The following ABCA13 variants were observed in gnomAD, a reference collection of about 807,000 sequenced individuals.
ABCA13 encodes ATP-binding cassette sub-family A member 13.
A neutral mutation model predicts 478.7 loss-of-function variants in ABCA13; 476 were observed. The ratio of observed to expected loss-of-function variants is 0.99; its 90% CI spans 0.92 to 1.07. ABCA13 has a LOEUF of 1.07. ABCA13 is among the 50% of genes least tolerant of loss of function. ABCA13 has a pLI of 0.00. For synonymous variants in ABCA13, 2,252 were observed against 2,158.9 expected (o/e 1.04, Z -1.20); for missense variants, 6,060 against 5,910.6 (o/e 1.03, Z -0.83).
intron 8 of ABCA13, among the ~76,000 whole-genome samples, chr7:48,234,895 C>T (rs915127883): frequency 6.6e-6 from 1 of 152,244 alleles, no homozygotes; most frequent in Non-Finnish European, 1.5e-5. Flanking sequence ...GACCCACTCT[C>T]TTCCATTAGG....
chr7:48,425,576 A>T lies in ABCA13; in HGVS notation c.12460-2190A>T, dbSNP rs1410453059. Among the ~76,000 whole-genome samples, 3 of 152,146 alleles carry T rather than the reference A, an allele frequency of 2.0e-5. No homozygotes were observed. The South Asian group carries it at 6.2e-4, about 32-fold the overall frequency. The stretch of plus-strand genomic sequence containing the variant: ...CTCATCAGATTGATCTGAGAATTAC[A>T]TGATGAAACATAGCACATACACCCT... On this transcript the variant is annotated intron_variant, in intron 41 of 61. Coordinates refer to ENST00000435803, the MANE Select transcript of ABCA13 (RefSeq NM_152701.5).
intron 19 of ABCA13, among the ~76,000 whole-genome samples, chr7:48,287,008 G>T (rs137864667): frequency 6.6e-6 from 1 of 152,196 alleles, no homozygotes; most frequent in South Asian, 2.1e-4. Context: ...AAATTTGCCC[G>T]TGGCAGGTCT....
Position 48,489,249 on chromosome 7 carries a change from A to G in ABCA13, c.13196A>G (p.Gln4399Arg), listed in dbSNP as rs1829624935. The change falls in exon 48 of 62, where the codon CAG (glutamine) becomes CGG (arginine). Residue 4399 changes from glutamine to arginine, a missense_variant. Physicochemically the swap from Gln to Arg is conservative, Grantham distance 43 (BLOSUM62 1). Transcript: ENST00000435803. ...TTCTTTTTTTAGGTGTGGTATAATC[A>G]GAAGGGTTTTCATTCCCTACCTTCC... ...PPTLAKVWYNQKGFHSLPSYL... is the reference protein window; with the variant it reads ...PPTLAKVWYNRKGFHSLPSYL... 6.2e-7 allele frequency: 1 copy of G among 1,611,042 alleles called. No homozygotes were observed. Among genetic ancestry groups the G allele is most frequent in the Non-Finnish European group, 8.5e-7 (1 of 1,178,046 alleles).
intron 23 of ABCA13, among the ~76,000 whole-genome samples, chr7:48,302,328 T>C (rs1209913262): frequency 6.6e-6 from 1 of 152,248 alleles, no homozygotes; most frequent in Non-Finnish European, 1.5e-5. Flanking sequence ...AAATATTTTT[T>C]CCTTTTTATT....
intron 3 of ABCA13, among the ~76,000 whole-genome samples, chr7:48,202,231 A>T (rs1170864503): frequency 1.3e-5 from 2 of 152,164 alleles, no homozygotes; most frequent in African/African-American, 4.8e-5. Context: ...GGCCCCACCC[A>T]CATCCTGCTG....
intron 15 of ABCA13, among the ~76,000 whole-genome samples, chr7:48,253,693 A>G (rs1034441342): frequency 6.6e-6 from 1 of 152,152 alleles, no homozygotes; most frequent in Non-Finnish European, 1.5e-5. Flanking sequence ...CATGTTGCCC[A>G]GGCTGGTCCC....
chr7:48,273,173 GA>G lies in ABCA13; in HGVS notation c.3509del (p.Asn1170MetfsTer21), dbSNP rs753005575. 15 of 1,613,548 alleles carry G rather than the reference GA, an allele frequency of 9.3e-6. No homozygotes were observed. Among genetic ancestry groups the G allele is most frequent in the African/African-American group, 2.7e-5 (2 of 74,910 alleles). The part of the protein sequence containing the change: ...TISQLFKFDM[N>X]VFTSLHHGFT... ...TATCTCAATTATTTAAGTTTGACATGAATGTTTTCACATCTCTTCATCATGG... is the reference window on the plus strand; with the variant it reads ...TATCTCAATTATTTAAGTTTGACATGATGTTTTCACATCTCTTCATCATGG... On this transcript the variant is annotated frameshift_variant, in exon 17 of 62. Transcript: ENST00000435803. LOFTEE classifies it high-confidence loss of function.
chr7:48,407,778 T>G (rs1379790411), intron 39 of ABCA13, among the ~76,000 whole-genome samples: 5 of 152,008 alleles, frequency 3.3e-5, no homozygotes, highest in Non-Finnish European at 7.4e-5. Flanking sequence ...GGCTACTCTC[T>G]AACTCTTGAC....
At chr7:48,632,103 C>A (rs1206052439) in intron 59 of ABCA13, among the ~76,000 whole-genome samples, 2 of 152,112 alleles carry the variant, frequency 1.3e-5, no homozygotes, top group Non-Finnish European at 2.9e-5. Flanking sequence ...ACATTCATAT[C>A]ATTGGCAAAC....
intron 1 of ABCA13, among the ~76,000 whole-genome samples, chr7:48,172,504 G>A (rs148327700): frequency 9.2e-4 from 140 of 152,142 alleles, no homozygotes; most frequent in African/African-American, 3.3e-3. Flanking sequence ...TTGTACAAAA[G>A]TTTTAAGTTG....
At chr7:48,364,215 G>A (rs1018738204) in intron 31 of ABCA13, among the ~76,000 whole-genome samples, 10 of 152,102 alleles carry the variant, frequency 6.6e-5, no homozygotes, top group African/African-American at 2.4e-4. Flanking sequence ...CATAGCCTCC[G>A]TCTTCTGTTT....
intron 41 of ABCA13, among the ~76,000 whole-genome samples, chr7:48,421,634 C>A (rs577459573): frequency 6.6e-6 from 1 of 152,352 alleles, no homozygotes; most frequent in South Asian, 2.1e-4. Flanking sequence ...CCAGCCCTGG[C>A]TCTAGAATCA....
rs73694657 is a variant in ABCA13, at chr7:48,507,801, C to A, written c.13347-71C>A. The A allele has an allele frequency of 3.3e-3, 4,781 of 1,469,072 alleles. 121 individuals carry two copies. In the African/African-American group the frequency reaches 0.057, roughly 18 times the overall value. 91.0% of individuals were successfully genotyped at this position (1,469,072 alleles called of 1,614,324 possible). On this transcript the variant is annotated intron_variant, in intron 49 of 61. Coordinates refer to ENST00000435803, the MANE Select transcript of ABCA13 (RefSeq NM_152701.5). ...GCAGTTTTCACTGCTGTCATCATTG[C>A]TGATTGTTATTAGCAAAGAAGGCTT...
intron 15 of ABCA13, among the ~76,000 whole-genome samples, chr7:48,262,047 T>G (rs1269647045): frequency 2.0e-5 from 3 of 151,972 alleles, no homozygotes; most frequent in Admixed American, 2.0e-4. Flanking sequence ...TTGAAATACC[T>G]GCTAACAACA....
At chr7:48,450,423 T>C (rs551848927) in intron 42 of ABCA13, among the ~76,000 whole-genome samples, 2 of 152,330 alleles carry the variant, frequency 1.3e-5, no homozygotes, top group South Asian at 2.1e-4. Context: ...ACCACAAGAA[T>C]ATAAATTTTT....
At chr7:48,337,919 C>T (rs939656758) in intron 28 of ABCA13, among the ~76,000 whole-genome samples, 2 of 152,050 alleles carry the variant, frequency 1.3e-5, no homozygotes, top group African/African-American at 4.8e-5. Context: ...AAGATGCTTC[C>T]GAAGATGAAT....
chr7:48,359,581 T>C (rs533296501), intron 31 of ABCA13, among the ~76,000 whole-genome samples: 37 of 151,992 alleles, frequency 2.4e-4, no homozygotes, highest in Admixed American at 4.6e-4. Flanking sequence ...TGTCTCCCCA[T>C]GGTTGATGTG....
chr7:48,291,178 G>A (rs1028077704), intron 20 of ABCA13, among the ~76,000 whole-genome samples: 6 of 152,142 alleles, frequency 3.9e-5, no homozygotes, highest in Admixed American at 3.9e-4. Flanking sequence ...GTGCACATTA[G>A]GGGCAGTGGG....
At chr7:48,270,140 A>C (rs1490971838) in intron 16 of ABCA13, among the ~76,000 whole-genome samples, 2 of 152,218 alleles carry the variant, frequency 1.3e-5, no homozygotes, top group Admixed American at 6.5e-5. Context: ...TGAATGAAAA[A>C]TCATTGAACA....
Sources: gnomAD v4.1 joint callset for allele counts (sites outside exome capture counted in the v4.1 genomes callset) on GRCh38, gnomAD v4.1.1 for gene constraint, MANE v1.5 for transcripts, NCBI Gene and HGNC (gene_info 2026-07-23, HGNC 2026-07-21) for gene names.